The following SFSWAP variants were observed in gnomAD, a reference collection of about 807,000 sequenced individuals.
SFSWAP encodes the protein splicing factor, suppressor of white-apricot homolog.
In SFSWAP, 17 loss-of-function variants were observed where a neutral mutation model predicts 100.7. That is an observed-to-expected ratio of 0.17 (90% confidence interval 0.12 to 0.25). The LOEUF (loss-of-function observed/expected upper bound fraction) is 0.25. Among genes scored for constraint, SFSWAP ranks in the 10% least tolerant of loss-of-function variants. SFSWAP has a pLI of 1.00. For synonymous variants in SFSWAP, 504 were observed against 510.1 expected (o/e 0.99, Z 0.16); for missense variants, 1,005 against 1,262.6 (o/e 0.80, Z 3.09).
At chr12:131,735,072 G>A (rs376533927) in intron 7 of SFSWAP, among the ~76,000 whole-genome samples, 1 of 152,202 alleles carries the variant, frequency 6.6e-6, no homozygotes, top group Non-Finnish European at 1.5e-5. Context: ...ACAGGCACTC[G>A]GACTCCAGAG....
chr12:131,720,132 CATTAA>C (rs1156399184), intron 4 of SFSWAP, among the ~76,000 whole-genome samples: 1 of 152,180 alleles, frequency 6.6e-6, no homozygotes, highest in Non-Finnish European at 1.5e-5. Context: ...AGTTATATCA[CATTAA>C]ATTAAGTTAT....
rs140428339 is a variant in SFSWAP, at chr12:131,762,650, A to G, written c.1721-1806A>G. Among the ~76,000 whole-genome samples, 1,030 of 152,186 alleles carry G rather than the reference A, an allele frequency of 6.8e-3. 14 individuals are homozygous for G. The highest frequency in any genetic ancestry group is 0.024 in the African/African-American group (977 of 41,520). ...TCTGTCACCCAGGCTGGAGTAGTGC[A>G]GTGGCGTGATCTCAGCCCACTGTAA... On this transcript the variant is annotated intron_variant, in intron 11 of 17. Coordinates refer to ENST00000261674, the MANE Select transcript of SFSWAP (RefSeq NM_004592.4).
At chr12:131,746,892 CAGG>C (rs1303135347) in intron 7 of SFSWAP, among the ~76,000 whole-genome samples, 5 of 152,092 alleles carry the variant, frequency 3.3e-5, no homozygotes, top group Non-Finnish European at 2.9e-5. Context: ...ATCATGAGGT[CAGG>C]AGATCGAGAC....
chr12:131,712,905 A>C (rs1411339767), intron 1 of SFSWAP: 2 of 152,218 alleles, frequency 1.3e-5, no homozygotes, highest in Non-Finnish European at 2.9e-5. Flanking sequence ...TAGGTCTTCC[A>C]AAACTGGTGG....
At chr12:131,728,775 A>G (rs936710294) in intron 7 of SFSWAP, among the ~76,000 whole-genome samples, 2 of 148,692 alleles carry the variant, frequency 1.3e-5, no homozygotes, top group African/African-American at 5.0e-5. Context: ...AGCATGGTTC[A>G]CGGCAGCCTG....
At chr12:131,781,609 G>C (rs1163210311) in intron 14 of SFSWAP, among the ~76,000 whole-genome samples, 1 of 152,134 alleles carries the variant, frequency 6.6e-6, no homozygotes, top group Admixed American at 6.6e-5. Flanking sequence ...GTAACTTTCA[G>C]TTAAAAGAAA....
In SFSWAP at chr12:131,711,484, C is replaced by A; in HGVS notation, c.218+37C>A. On this transcript the variant is annotated intron_variant, in intron 1 of 17. Coordinates refer to ENST00000261674, the MANE Select transcript of SFSWAP (RefSeq NM_004592.4). This position sits in a 1 kb window ranked among gnomAD's most constrained non-coding sequence, Gnocchi z 4.9. ...TCCCCACCCGTCGATCCTTCCCTTC[C>A]CTCACCCGCTTGATCTCGTCTGATG... 1 of 1,528,864 alleles carries A rather than the reference C, an allele frequency of 6.5e-7. No homozygotes were observed. The allele number at this position is 1,528,864 out of a possible 1,614,324, so 94.7% of individuals were successfully genotyped here.
chr12:131,756,410 C>T (rs1036763217), intron 10 of SFSWAP, 63 bp from the exon 11 acceptor site: 2 of 1,478,336 alleles, frequency 1.4e-6, no homozygotes, highest in East Asian at 2.3e-5. Context: ...GTATACATCT[C>T]TCTTTTTTTA....
At chr12:131,795,410 T>C (rs1885559674) in intron 15 of SFSWAP, among the ~76,000 whole-genome samples, 1 of 152,148 alleles carries the variant, frequency 6.6e-6, no homozygotes, top group Admixed American at 6.5e-5. Context: ...CCCCTGCATA[T>C]CGGGGCTGTC....
rs370281522 is a variant in SFSWAP at position 131,719,593 on chromosome 12, C to T, written c.606+54C>T. ...CGTCATTATTATTTATCATAATTCA[C>T]TCCTGCTTGTGGGAAAGCTCAATAA... On this transcript the variant is annotated intron_variant, in intron 4 of 17. Coordinates refer to ENST00000261674, the MANE Select transcript of SFSWAP (RefSeq NM_004592.4). 4.4e-6 allele frequency: 6 copies of T among 1,363,146 alleles called. No individual in the cohort carries two copies. The Admixed American group carries it at 6.8e-5, about 16-fold the overall frequency. 84.4% of individuals were successfully genotyped at this position (1,363,146 alleles called of 1,614,324 possible). A position where few individuals can be genotyped will look rare whatever the true frequency, so the allele number is the denominator to read the frequency against.
intron 15 of SFSWAP, among the ~76,000 whole-genome samples, chr12:131,795,016 C>A (rs557487995): frequency 3.9e-5 from 6 of 152,318 alleles, no homozygotes; most frequent in African/African-American, 1.4e-4. Context: ...ATTTATTTGC[C>A]GCTTCCTTTG....
chr12:131,797,106 A>G, intron 15 of SFSWAP, 72 bp from the exon 16 acceptor site: 1 of 1,430,666 alleles, frequency 7.0e-7, no homozygotes, highest in Non-Finnish European at 9.6e-7. Flanking sequence ...ACTGGCTCAG[A>G]TCCGAGCTTC....
intron 9 of SFSWAP, 71 bp downstream of exon 9, chr12:131,754,570 T>G: frequency 1.7e-6 from 2 of 1,155,386 alleles, no homozygotes; most frequent in Non-Finnish European, 2.3e-6. Context: ...TTTAAAAAAA[T>G]GTAGGTACAG....
intron 4 of SFSWAP, chr12:131,723,192 G>A (rs1878646128): frequency 6.6e-6 from 1 of 152,092 alleles, no homozygotes; most frequent in Non-Finnish European, 1.5e-5. Context: ...TGGGTGGGGA[G>A]GGAAAAAATG....
chr12:131,717,282 A>G (rs762142356), intron 3 of SFSWAP, among the ~76,000 whole-genome samples: 4 of 152,218 alleles, frequency 2.6e-5, no homozygotes, highest in Non-Finnish European at 4.4e-5. Context: ...GCCTTGTGAT[A>G]CTAGCCAAAA....
chr12:131,755,262 A>G lies in SFSWAP; in HGVS notation c.1455-124A>G, dbSNP rs959809270. 3 of 680,294 alleles carry G rather than the reference A, an allele frequency of 4.4e-6. No individual in the cohort carries two copies. The African/African-American group carries it at 5.4e-5, about 12-fold the overall frequency. The allele number at this position is 680,294 out of a possible 1,614,324, so 42.1% of individuals were successfully genotyped here. A position where few individuals can be genotyped will look rare whatever the true frequency, so the allele number is the denominator to read the frequency against. ...AGTCTCCCTCGTCTATAAGATGAGT[A>G]GCTAAAACAGTAACCACCTTGTGGG... On this transcript the variant is annotated intron_variant, in intron 9 of 17. Coordinates refer to ENST00000261674, the MANE Select transcript of SFSWAP (RefSeq NM_004592.4).
chr12:131,728,874 T>A (rs1022652505), intron 7 of SFSWAP, among the ~76,000 whole-genome samples: 1 of 152,104 alleles, frequency 6.6e-6, no homozygotes, highest in Admixed American at 6.5e-5. Flanking sequence ...TTTGATTTTT[T>A]GATAGGGATG....
rs114799387 is a variant in SFSWAP, at chr12:131,768,600, C to T, written c.2142+2292C>T. Among the ~76,000 whole-genome samples the T allele has an allele frequency of 1.0e-2, 1,515 of 152,252 alleles. 25 individuals carry two copies. Among genetic ancestry groups the T allele is most frequent in the African/African-American group, 0.034 (1,419 of 41,554 alleles). On this transcript the variant is annotated intron_variant, in intron 13 of 17. Transcript: ENST00000261674. ...GTCCCCGAGTGCCGCAGGGTGGGCT[C>T]CTGCCCTGAGTCCCGAGTGCTCTGG...
chr12:131,777,456 C>T (rs1884116637), intron 13 of SFSWAP, among the ~76,000 whole-genome samples: 1 of 152,172 alleles, frequency 6.6e-6, no homozygotes, highest in South Asian at 2.1e-4. Flanking sequence ...ATCCATGTCC[C>T]TACAAAGGAC....
Sources: gnomAD v4.1 joint callset for allele counts (sites outside exome capture counted in the v4.1 genomes callset) on GRCh38, gnomAD v4.1.1 for gene constraint, Gnocchi (gnomAD v3.1) non-coding constraint, MANE v1.5 for transcripts, NCBI Gene and HGNC (gene_info 2026-07-23, HGNC 2026-07-21) for gene names.